C8orf34: variants seen among roughly 807,000 people sequenced by gnomAD.
The protein encoded by C8orf34 is uncharacterized protein C8orf34.
C8orf34 carries 65 observed loss-of-function variants against 68.3 expected under a neutral mutation model. The observed-to-expected ratio is 0.95, with a 90% CI of 0.78 to 1.17. C8orf34 has a LOEUF of 1.17. C8orf34 is among the 50% of genes most tolerant of loss of function. The pLI is 0.00. For synonymous variants in C8orf34, 244 were observed against 241.2 expected (o/e 1.01, Z -0.11); for missense variants, 664 against 655.4 (o/e 1.01, Z -0.14).
intron 1 of C8orf34, among the ~76,000 whole-genome samples, chr8:68,350,292 G>C (rs1178523448): frequency 6.6e-6 from 1 of 151,664 alleles, no homozygotes; most frequent in Non-Finnish European, 1.5e-5. Flanking sequence ...TGTGGTCATA[G>C]AGTGTGTTTG....
At chr8:68,743,892 G>A (rs755965287) in intron 10 of C8orf34, among the ~76,000 whole-genome samples, 1 of 152,216 alleles carries the variant, frequency 6.6e-6, no homozygotes, top group South Asian at 2.1e-4. Context: ...ACAGCTCAAG[G>A]AGGCCTGCCT....
chr8:68,521,728 A>C, intron 5 of C8orf34, 71 bp from the exon 6 acceptor site: 2 of 1,389,594 alleles, frequency 1.4e-6, no homozygotes, highest in Non-Finnish European at 2.0e-6. Flanking sequence ...TATCTAGGCA[A>C]CTTTATTTCC....
At chr8:68,648,489 C>G (rs142610993) in intron 8 of C8orf34, among the ~76,000 whole-genome samples, 18 of 152,220 alleles carry the variant, frequency 1.2e-4, no homozygotes, top group African/African-American at 4.3e-4. Context: ...GAAAGACCAC[C>G]CACTAATTCT....
chr8:68,557,305 ATT>A lies in C8orf34; in HGVS notation c.1105+24159_1105+24160del, dbSNP rs529565815. ...CATTAACCTTCTCCGTGGGGGAATG[ATT>A]TTCTTGTAAATTAAATTTTCTAATT... On this transcript the variant is annotated intron_variant, in intron 7 of 13. Transcript: ENST00000518698. Among the ~76,000 whole-genome samples, 7 of 152,236 alleles carry A rather than the reference ATT, an allele frequency of 4.6e-5. No individual in the cohort carries two copies. The South Asian group carries it at 1.5e-3, about 32-fold the overall frequency.
At position 68,812,559 on chromosome 8, in the gene C8orf34, T is replaced by G. The variant is rs1040469877; in HGVS notation, c.1550-3327T>G. 5.3e-5 allele frequency among the ~76,000 whole-genome samples: 8 copies of G among 152,250 alleles called. No individual in the cohort carries two copies. In the East Asian group the frequency reaches 1.5e-3, roughly 29 times the overall value. On this transcript the variant is annotated intron_variant, in intron 12 of 13. Transcript: ENST00000518698. ...AATTTTTTTTAAGGTTTCTACCACT[T>G]ATATAAGGCTTTATAGTTTATACAT...
intron 1 of C8orf34, among the ~76,000 whole-genome samples, chr8:68,360,759 T>TTTC (rs1316515256): frequency 1.4e-5 from 2 of 148,074 alleles, no homozygotes; most frequent in East Asian, 2.0e-4. Context: ...TTCCTTTCTT[T>TTTC]TTTTTTTTTT....
chr8:68,495,806 A>G (rs1454015495), intron 5 of C8orf34, among the ~76,000 whole-genome samples: 1 of 152,242 alleles, frequency 6.6e-6, no homozygotes, highest in Non-Finnish European at 1.5e-5. Context: ...TACATTTCCT[A>G]TCTTTGTGCC....
chr8:68,496,044 C>T (rs903369814), intron 5 of C8orf34, among the ~76,000 whole-genome samples: 2 of 152,110 alleles, frequency 1.3e-5, no homozygotes, highest in African/African-American at 4.8e-5. Flanking sequence ...TATTCTATTA[C>T]ATTAAGAGCT....
Position 68,560,834 on chromosome 8 carries a change from C to T in C8orf34, c.1105+27685C>T, listed in dbSNP as rs1816401259. ...GGTGAGTAAACGTGAAGGCCTAGGA[C>T]ATCACTGTACACTACTGTAGACTCT... is the stretch of plus-strand genomic sequence containing the variant. On this transcript the variant is annotated intron_variant, in intron 7 of 13. Transcript: ENST00000518698. Among the ~76,000 whole-genome samples, 2 of 152,166 alleles carry T rather than the reference C, an allele frequency of 1.3e-5. 1 individual carries two copies. The highest frequency in any genetic ancestry group is 2.9e-5 in the Non-Finnish European group (2 of 67,990).
chr8:68,702,001 C>G (rs1382535272), intron 8 of C8orf34, among the ~76,000 whole-genome samples: 1 of 151,976 alleles, frequency 6.6e-6, no homozygotes, highest in African/African-American at 2.4e-5. Context: ...GTACACTGCC[C>G]CTCCCCCAGA....
At chr8:68,341,855 C>G (rs1046288174) in intron 1 of C8orf34, among the ~76,000 whole-genome samples, 13 of 152,164 alleles carry the variant, frequency 8.5e-5, no homozygotes, top group African/African-American at 2.7e-4. Flanking sequence ...ATAAATTATC[C>G]AGTTTCAGGT....
At chr8:68,488,793 G>A (rs1384356002) in intron 5 of C8orf34, among the ~76,000 whole-genome samples, 2 of 152,102 alleles carry the variant, frequency 1.3e-5, no homozygotes, top group African/African-American at 2.4e-5. Context: ...TTGCTTATGA[G>A]AGAGATTTGA....
chr8:68,454,035 A>G (rs1113405), intron 3 of C8orf34, among the ~76,000 whole-genome samples: 63,231 of 151,782 alleles, frequency 0.42, 13,881 homozygotes, highest in East Asian at 0.58. Context: ...TGAGATAATC[A>G]TGCAGTTTTT....
intron 4 of C8orf34, among the ~76,000 whole-genome samples, chr8:68,476,101 T>G (rs73683531): frequency 6.6e-6 from 1 of 152,246 alleles, no homozygotes; most frequent in Non-Finnish European, 1.5e-5. Flanking sequence ...AGAATAACTA[T>G]GCATGAGAGA....
intron 4 of C8orf34, among the ~76,000 whole-genome samples, chr8:68,477,303 C>T (rs1294325698): frequency 6.6e-6 from 1 of 152,198 alleles, no homozygotes; most frequent in African/African-American, 2.4e-5. Flanking sequence ...AGCAAGTTTG[C>T]ATTTTTATTT....
intron 10 of C8orf34, among the ~76,000 whole-genome samples, chr8:68,755,446 C>T (rs1479016233): frequency 1.3e-5 from 2 of 152,164 alleles, no homozygotes; most frequent in Non-Finnish European, 2.9e-5. Context: ...CATGACTATG[C>T]TATGTTCTTC....
At chr8:68,785,073 G>T (rs1223136117) in intron 11 of C8orf34, among the ~76,000 whole-genome samples, 1 of 151,962 alleles carries the variant, frequency 6.6e-6, no homozygotes, top group African/African-American at 2.4e-5. Flanking sequence ...GGCCAGGCAT[G>T]GTTGCTCACA....
chr8:68,553,225 A>G (rs868717397), intron 7 of C8orf34, among the ~76,000 whole-genome samples: 24 of 151,686 alleles, frequency 1.6e-4, no homozygotes, highest in Admixed American at 4.6e-4. Flanking sequence ...CTCTACTAAA[A>G]ATACAAACAA....
chr8:68,682,698 G>T (rs531581966), intron 8 of C8orf34, among the ~76,000 whole-genome samples: 2 of 152,156 alleles, frequency 1.3e-5, no homozygotes, highest in South Asian at 2.1e-4. Context: ...ACATATTTTG[G>T]TTCCTCTTCA....
Sources: gnomAD v4.1 joint callset for allele counts (sites outside exome capture counted in the v4.1 genomes callset) on GRCh38, gnomAD v4.1.1 for gene constraint, MANE v1.5 for transcripts, NCBI Gene and HGNC (gene_info 2026-07-23, HGNC 2026-07-21) for gene names.